FER: variants seen among roughly 807,000 people sequenced by gnomAD.
FER encodes the protein FER tyrosine kinase.
Under a neutral mutation model 111.0 loss-of-function variants are expected in FER, and 63 were observed. That is an observed-to-expected ratio of 0.57 (90% confidence interval 0.46 to 0.70). The LOEUF (loss-of-function observed/expected upper bound fraction) is 0.70, where lower values mean the gene tolerates loss of function less well. Among genes scored for constraint, FER ranks in the 30% least tolerant of loss-of-function variants. FER has a pLI of 0.00. For missense variants in FER, 914 were observed against 954.0 expected (o/e 0.96, Z 0.55); for synonymous variants, 327 against 313.9 (o/e 1.04, Z -0.44).
At chr5:108,756,556 A>G (rs1420650735) in intron 1 of FER, among the ~76,000 whole-genome samples, 3 of 152,048 alleles carry the variant, frequency 2.0e-5, no homozygotes, top group Non-Finnish European at 2.9e-5. Context: ...GAACTAAACA[A>G]TGTAGTTGTT....
chr5:109,110,489 C>G (rs1408260179), intron 17 of FER, among the ~76,000 whole-genome samples: 1 of 151,978 alleles, frequency 6.6e-6, no homozygotes, highest in Non-Finnish European at 1.5e-5. Flanking sequence ...CCAGCAAGGT[C>G]AGAAAATTAG....
intron 6 of FER, among the ~76,000 whole-genome samples, chr5:108,869,548 A>C (rs1472681686): frequency 6.6e-6 from 1 of 152,146 alleles, no homozygotes; most frequent in African/African-American, 2.4e-5. Context: ...CTTTATAAGA[A>C]GACGGGAGGA....
intron 2 of FER, chr5:108,782,827 G>GC (rs1487068878): frequency 2.0e-5 from 3 of 151,946 alleles, no homozygotes; most frequent in Admixed American, 6.6e-5. Context: ...TTTCTTTTCT[G>GC]CCAATAGATG....
rs1365166394 is a variant in FER, at chr5:109,187,645, A to G, written c.*70A>G. On this transcript the variant is annotated 3_prime_UTR_variant, in exon 20 of 20. Transcript: ENST00000281092. ...GCAGAGTAACATTATTGTTCTCATT[A>G]ACAATGAATTTATACCACATTACCT... 1.3e-6 allele frequency: 2 copies of G among 1,556,406 alleles called. No individual in the cohort carries two copies. Among genetic ancestry groups the G allele is most frequent in the Non-Finnish European group, 1.8e-6 (2 of 1,139,002 alleles).
At chr5:108,794,524 G>GCCCCCCCCCCCCCCCCCCCCC (rs1415651696) in intron 2 of FER, among the ~76,000 whole-genome samples, 1 of 53,708 alleles carries the variant, frequency 1.9e-5, no homozygotes, top group Non-Finnish European at 3.7e-5. Context: ...TGCCCCCTCC[G>GCCCCCCCCCCCCCCCCCCCCC]CACCCCCCCC....
chr5:108,938,890 G>T (rs1296164769), intron 10 of FER, among the ~76,000 whole-genome samples: 2 of 152,006 alleles, frequency 1.3e-5, no homozygotes, highest in African/African-American at 4.8e-5. Context: ...CACCCCTACA[G>T]ATTGAAAGCT....
chr5:109,186,207 C>A lies in FER; in HGVS notation c.2211C>A (p.Tyr737Ter). The part of the protein sequence containing the change: ...TAPEALNYGR[Y>*]SSESDVWSFG... ...TTGTTGTTCCTCTTCCAGGGAGATA[C>A]AGTTCAGAGAGTGACGTGTGGAGCT... Residue 737 changes from tyrosine (Y) to a stop codon, truncating the protein, a stop_gained, in exon 19 of 20, where the codon TAC (tyrosine) becomes TAA (stop). Coordinates refer to ENST00000281092, the MANE Select transcript of FER (RefSeq NM_005246.4). LOFTEE classifies it high-confidence loss of function. 6.2e-7 allele frequency: 1 copy of A among 1,614,118 alleles called. No individual in the cohort carries two copies. The highest frequency in any genetic ancestry group is 8.5e-7 in the Non-Finnish European group (1 of 1,179,976).
intron 10 of FER, among the ~76,000 whole-genome samples, chr5:108,921,898 T>C (rs938622822): frequency 2.0e-5 from 3 of 152,174 alleles, no homozygotes; most frequent in African/African-American, 7.2e-5. Flanking sequence ...CCAAAAGATA[T>C]CTTTAAGTTG....
intron 17 of FER, among the ~76,000 whole-genome samples, chr5:109,167,050 A>C (rs188955885): frequency 6.6e-6 from 1 of 152,272 alleles, no homozygotes; most frequent in East Asian, 1.9e-4. Context: ...TCAAACTTGA[A>C]ATTTTCAATA....
At position 109,185,835 on chromosome 5, in the gene FER, C is replaced by T. The variant is rs141407551; in HGVS notation, c.2204-365C>T. Among the ~76,000 whole-genome samples the T allele has an allele frequency of 1.1e-3, 161 of 152,266 alleles. 1 individual carries two copies. Among genetic ancestry groups the T allele is most frequent in the East Asian group, 8.9e-3 (46 of 5,184 alleles). On this transcript the variant is annotated intron_variant, in intron 18 of 19. Transcript: ENST00000281092. ...ATACACTCTGAGAAATGCGTCGTTA[C>T]GCAGTTTCATCATTCCATGATCATA...
intron 17 of FER, among the ~76,000 whole-genome samples, chr5:109,105,015 T>C (rs1382711215): frequency 1.3e-5 from 2 of 152,006 alleles, no homozygotes; most frequent in Middle Eastern, 3.2e-3. Flanking sequence ...AGTGCTGGGA[T>C]TACAAGCATG....
intron 16 of FER, among the ~76,000 whole-genome samples, chr5:109,063,169 CTT>C (rs1394825248): frequency 1.3e-5 from 2 of 151,950 alleles, no homozygotes. Flanking sequence ...AATTCGTTTT[CTT>C]TTAATTTTTC....
At chr5:109,016,911 T>A (rs570401007) in intron 13 of FER, among the ~76,000 whole-genome samples, 4 of 152,072 alleles carry the variant, frequency 2.6e-5, no homozygotes, top group Admixed American at 2.6e-4. Context: ...TGTGGTCTTA[T>A]AAGAGGAAGA....
At chr5:108,879,810 A>T (rs1395996331) in intron 8 of FER, among the ~76,000 whole-genome samples, 1 of 150,384 alleles carries the variant, frequency 6.6e-6, no homozygotes, top group Non-Finnish European at 1.5e-5. Flanking sequence ...CTCAGGTTAA[A>T]GTGATTCTCC....
At chr5:108,796,075 T>C (rs572307357) in intron 2 of FER, among the ~76,000 whole-genome samples, 27 of 152,318 alleles carry the variant, frequency 1.8e-4, no homozygotes, top group African/African-American at 5.5e-4. Context: ...GTAAGCTGTA[T>C]CTGTATTAGG....
intron 16 of FER, among the ~76,000 whole-genome samples, chr5:109,085,908 T>A (rs995504116): frequency 3.3e-5 from 5 of 151,872 alleles, no homozygotes; most frequent in Non-Finnish European, 5.9e-5. Flanking sequence ...TTCATCATGT[T>A]GTGTTACCTT....
intron 10 of FER, among the ~76,000 whole-genome samples, chr5:108,942,315 T>C (rs908592752): frequency 1.3e-5 from 2 of 152,194 alleles, no homozygotes; most frequent in Non-Finnish European, 2.9e-5. Flanking sequence ...TCTGTTTTAC[T>C]CTAGGTTTCC....
chr5:108,988,782 G>C (rs1762847458), intron 13 of FER, among the ~76,000 whole-genome samples: 1 of 151,902 alleles, frequency 6.6e-6, no homozygotes, highest in South Asian at 2.1e-4. Context: ...GGTGTTATTT[G>C]TTTCAGTTTC....
intron 16 of FER, among the ~76,000 whole-genome samples, chr5:109,087,088 G>A (rs1212992818): frequency 6.6e-6 from 1 of 150,594 alleles, no homozygotes; most frequent in African/African-American, 2.4e-5. Flanking sequence ...GGTACTGAGG[G>A]TTAGGACTTA....
Sources: allele counts gnomAD v4.1 joint callset (sites outside exome capture counted in the v4.1 genomes callset), GRCh38; gene constraint gnomAD v4.1.1; transcripts MANE v1.5; gene names NCBI Gene and HGNC (gene_info 2026-07-23, HGNC 2026-07-21).